Variants in EYA1 observed in about 807,000 individuals in gnomAD.
The protein encoded by EYA1 is EYA transcriptional coactivator and phosphatase 1.
Under a neutral mutation model 82.0 loss-of-function variants are expected in EYA1, and 16 were observed. The observed-to-expected ratio is 0.20, with a 90% CI of 0.13 to 0.30. EYA1 has a LOEUF of 0.30. Ranked by LOEUF, EYA1 falls within the 10% of genes least tolerant of loss-of-function variation. EYA1 has a pLI of 1.00. For missense variants in EYA1, 633 were observed against 730.7 expected, an observed-to-expected ratio of 0.87 and a Z score of 1.54; for synonymous variants, 261 against 264.4, an observed-to-expected ratio of 0.99 and a Z score of 0.12.
chr8:71,307,857 A>G (rs1820898163), intron 7 of EYA1, among the ~76,000 whole-genome samples: 2 of 152,192 alleles, frequency 1.3e-5, no homozygotes, highest in South Asian at 4.1e-4. Context: ...CTGCCCTCCT[A>G]AGAAGGCTAC....
intron 2 of EYA1, among the ~76,000 whole-genome samples, chr8:71,510,076 T>C (rs989141905): frequency 4.6e-5 from 7 of 151,670 alleles, no homozygotes; most frequent in South Asian, 2.1e-4. Context: ...AGTAGTATTT[T>C]ATTAAAGTTG....
intron 2 of EYA1, among the ~76,000 whole-genome samples, chr8:71,412,556 C>G (rs180913395): frequency 6.6e-6 from 1 of 152,072 alleles, no homozygotes; most frequent in African/African-American, 2.4e-5. Flanking sequence ...GATGTCTGAA[C>G]TTTGCTCCAA....
chr8:71,430,854 C>A (rs979757246), intron 2 of EYA1, among the ~76,000 whole-genome samples: 1 of 144,380 alleles, frequency 6.9e-6, no homozygotes, highest in East Asian at 2.1e-4. Flanking sequence ...AGATAAGGGG[C>A]AACTGAAACA....
At chr8:71,223,085 G>C (rs557671761) in intron 12 of EYA1, among the ~76,000 whole-genome samples, 1 of 152,222 alleles carries the variant, frequency 6.6e-6, no homozygotes, top group Non-Finnish European at 1.5e-5. Context: ...GAGAGCCACT[G>C]TAGTAACCGG....
At chr8:71,331,466 T>C (rs1167742429) in intron 4 of EYA1, among the ~76,000 whole-genome samples, 1 of 140,198 alleles carries the variant, frequency 7.1e-6, no homozygotes, top group East Asian at 2.1e-4. Flanking sequence ...TTAAAAGTAT[T>C]ACTTTTTAAA....
chr8:71,422,777 C>A (rs906529809), intron 2 of EYA1, among the ~76,000 whole-genome samples: 2 of 152,070 alleles, frequency 1.3e-5, no homozygotes, highest in African/African-American at 2.4e-5. Context: ...CTCATGAGAA[C>A]CCCATCACTA....
chr8:71,320,841 G>A (rs1822457767), intron 6 of EYA1, among the ~76,000 whole-genome samples: 1 of 151,832 alleles, frequency 6.6e-6, no homozygotes, highest in Admixed American at 6.6e-5. Flanking sequence ...TCAAGCAGAA[G>A]CACAATTAGA....
intron 10 of EYA1, 76 bp from the exon 11 acceptor site, chr8:71,269,899 A>ATCTC (rs1816309906): frequency 9.2e-7 from 1 of 1,091,400 alleles, no homozygotes; most frequent in African/African-American, 1.5e-5. Context: ...TCAACACGAA[A>ATCTC]AAGTCATCTT....
At chr8:71,477,542 A>G (rs1056682960) in intron 2 of EYA1, among the ~76,000 whole-genome samples, 3 of 142,932 alleles carry the variant, frequency 2.1e-5, no homozygotes, top group Admixed American at 7.5e-5. Context: ...TAGGATGACT[A>G]AATTTTTTTT....
chr8:71,285,317 T>C (rs959900453), intron 9 of EYA1, among the ~76,000 whole-genome samples: 4 of 151,504 alleles, frequency 2.6e-5, no homozygotes, highest in African/African-American at 7.3e-5. Flanking sequence ...ACATATACTT[T>C]AAGAAAAACA....
intron 6 of EYA1, among the ~76,000 whole-genome samples, chr8:71,320,874 T>C (rs1308091098): frequency 2.0e-5 from 3 of 152,102 alleles, no homozygotes; most frequent in Non-Finnish European, 4.4e-5. Flanking sequence ...AAAAATTCTG[T>C]ACTTGTTGCA....
At chr8:71,322,333 A>ATACCATTT in intron 4 of EYA1, 65 bp from the exon 5 acceptor site, 1 of 1,357,780 alleles carries the variant, frequency 7.4e-7, no homozygotes, top group Non-Finnish European at 1.1e-6. Flanking sequence ...ATATATAGAA[A>ATACCATTT]GCACTGACAT....
intron 1 of EYA1, among the ~76,000 whole-genome samples, chr8:71,546,514 T>A (rs950926419): frequency 6.4e-4 from 96 of 150,592 alleles, no homozygotes; most frequent in Admixed American, 2.2e-3. Flanking sequence ...GATTCTTATT[T>A]TTTTTTTTTT....
chr8:71,416,830 C>A (rs989527739), intron 2 of EYA1, among the ~76,000 whole-genome samples: 4 of 152,094 alleles, frequency 2.6e-5, no homozygotes, highest in African/African-American at 4.8e-5. Context: ...AATATGATGA[C>A]CCTGTGATGG....
At chr8:71,363,409 A>AC (rs1827558463), upstream of EYA1, among the ~76,000 whole-genome samples, 1 of 152,198 alleles carries the variant, frequency 6.6e-6, no homozygotes, top group Non-Finnish European at 1.5e-5. Flanking sequence ...AATTCCTCAG[A>AC]AAAGAACACT....
intron 1 of EYA1, among the ~76,000 whole-genome samples, chr8:71,545,981 T>A (rs765441850): frequency 6.6e-6 from 1 of 152,186 alleles, no homozygotes; most frequent in Non-Finnish European, 1.5e-5. Context: ...TAATTTAGTT[T>A]CATTTTGTCT....
Position 71,489,702 on chromosome 8 carries a change from T to A in EYA1, c.33+46042A>T, listed in dbSNP as rs969382953. 4.6e-5 allele frequency among the ~76,000 whole-genome samples: 7 copies of A among 152,342 alleles called. No individual in the cohort carries two copies. The East Asian group carries it at 1.2e-3, about 25-fold the overall frequency. On this transcript the variant is annotated intron_variant, in intron 2 of 18. Transcript: ENST00000643681. ...GTACAGAACATGAACACATTTTTAA[T>A]CCATGAAAGAACTCTTGCTCTAGGC...
Position 71,492,700 on chromosome 8 carries a change from C to T in EYA1, c.33+43044G>A, listed in dbSNP as rs530068557. On this transcript the variant is annotated intron_variant, in intron 2 of 18. Coordinates refer to the EYA1 transcript ENST00000643681. ...CAGGATGGTCTCAATCTCCTGACCT[C>T]GTGATCCACCCTCCTCGACCTCCCA... is the stretch of plus-strand genomic sequence containing the variant. Among the ~76,000 whole-genome samples, 7 of 152,208 alleles carry T rather than the reference C, an allele frequency of 4.6e-5. No homozygotes were observed. In the South Asian group the frequency reaches 1.5e-3, roughly 32 times the overall value.
At chr8:71,450,449 G>A (rs1807269097) in intron 2 of EYA1, among the ~76,000 whole-genome samples, 1 of 152,174 alleles carries the variant, frequency 6.6e-6, no homozygotes. Context: ...GGAGAAGTCA[G>A]AACACATACA....
Sources: gnomAD v4.1 joint callset for allele counts (sites outside exome capture counted in the v4.1 genomes callset) on GRCh38, gnomAD v4.1.1 for gene constraint, MANE v1.5 for transcripts, NCBI Gene and HGNC (gene_info 2026-07-23, HGNC 2026-07-21) for gene names.